EIF2B3: variants seen among roughly 807,000 people sequenced by gnomAD.
EIF2B3 encodes eukaryotic translation initiation factor 2B subunit gamma, also known as translation initiation factor eIF2B subunit gamma.
A neutral mutation model predicts 54.1 loss-of-function variants in EIF2B3; 20 were observed. The observed-to-expected ratio is 0.37, with a 90% CI of 0.26 to 0.54. The LOEUF (loss-of-function observed/expected upper bound fraction) is 0.54, where lower values mean the gene tolerates loss of function less well. Among genes scored for constraint, EIF2B3 ranks in the 20% least tolerant of loss-of-function variants. The pLI is 0.86. For synonymous variants in EIF2B3, 153 were observed against 188.1 expected, an observed-to-expected ratio of 0.81 and a Z score of 1.52; for missense variants, 448 against 547.8, an observed-to-expected ratio of 0.82 and a Z score of 1.82.
intron 3 of EIF2B3, among the ~76,000 whole-genome samples, chr1:44,977,365 A>G (rs1248788383): frequency 6.6e-6 from 1 of 152,142 alleles, no homozygotes; most frequent in Non-Finnish European, 1.5e-5. Flanking sequence ...TTTCTAGTCA[A>G]TCCTCACCTG....
chr1:44,951,954 A>ATTTTTTT lies in EIF2B3; in HGVS notation c.295-10296_295-10290dup, dbSNP rs1171020644. On this transcript the variant is annotated intron_variant, in intron 3 of 11. Transcript: ENST00000360403. The stretch of plus-strand genomic sequence containing the variant: ...AGGGGCGCACCACCATGCCTGGCTA[A>ATTTTTTT]TTTTTTTTTTTTTTTTTTTTTTTTT... Among the ~76,000 whole-genome samples, 382 of 44,650 alleles carry ATTTTTTT rather than the reference A, an allele frequency of 8.6e-3. 55 individuals carry two copies. Among genetic ancestry groups the ATTTTTTT allele is most frequent in the Middle Eastern group, 0.014 (1 of 70 alleles). 29.3% of individuals were successfully genotyped at this position (44,650 alleles called of 152,430 possible).
At chr1:44,926,949 A>G (rs1643860172) in intron 4 of EIF2B3, among the ~76,000 whole-genome samples, 1 of 151,766 alleles carries the variant, frequency 6.6e-6, no homozygotes, top group Admixed American at 6.5e-5. Context: ...AGCCTGGCCA[A>G]CATGGCGAAA....
intron 11 of EIF2B3, among the ~76,000 whole-genome samples, chr1:44,856,004 A>G (rs893335181): frequency 8.5e-5 from 13 of 152,286 alleles, no homozygotes; most frequent in African/African-American, 1.4e-4. Flanking sequence ...AGAGGCAGAG[A>G]AGGTTCTACA....
chr1:44,960,558 G>C (rs898781672), intron 3 of EIF2B3, among the ~76,000 whole-genome samples: 2 of 151,890 alleles, frequency 1.3e-5, no homozygotes, highest in Non-Finnish European at 1.5e-5. Context: ...AGAATGGCGT[G>C]AACCCGGGGG....
chr1:44,983,415 C>G (rs954189378), intron 1 of EIF2B3, among the ~76,000 whole-genome samples: 2 of 152,140 alleles, frequency 1.3e-5, no homozygotes, highest in Non-Finnish European at 1.5e-5. Flanking sequence ...CCTACTATAC[C>G]CAAGGCACAA....
At chr1:44,856,081 G>A (rs1654422727) in intron 11 of EIF2B3, among the ~76,000 whole-genome samples, 1 of 152,168 alleles carries the variant, frequency 6.6e-6, no homozygotes, top group South Asian at 2.1e-4. Flanking sequence ...TAAAAGCATG[G>A]AGAGGTATAA....
intron 4 of EIF2B3, among the ~76,000 whole-genome samples, chr1:44,928,224 C>A (rs1262720693): frequency 6.6e-6 from 1 of 152,110 alleles, no homozygotes. Context: ...GCAGGTGGAT[C>A]ACCTGAGGTC....
At chr1:44,900,383 G>A (rs1643257532) in intron 5 of EIF2B3, among the ~76,000 whole-genome samples, 1 of 142,770 alleles carries the variant, frequency 7.0e-6, no homozygotes, top group African/African-American at 2.6e-5. Context: ...GGAGGTAGAG[G>A]TTGCAGTTAG....
intron 1 of EIF2B3, among the ~76,000 whole-genome samples, chr1:44,983,795 C>T (rs1364554625): frequency 6.6e-6 from 1 of 152,090 alleles, no homozygotes; most frequent in Non-Finnish European, 1.5e-5. Flanking sequence ...CAACCTCTGC[C>T]TCCCAGGTTC....
chr1:44,895,528 C>CTA (rs962144621), intron 6 of EIF2B3, among the ~76,000 whole-genome samples: 60 of 149,252 alleles, frequency 4.0e-4, no homozygotes, highest in East Asian at 9.9e-4. Context: ...CTCTCTCTCT[C>CTA]TATATATATA....
intron 6 of EIF2B3, among the ~76,000 whole-genome samples, chr1:44,888,369 T>C (rs1655672030): frequency 6.6e-6 from 1 of 152,052 alleles, no homozygotes; most frequent in East Asian, 1.9e-4. Context: ...AGCGATGGTG[T>C]GGCAAGCAGG....
At chr1:44,952,765 G>T (rs1165117049) in intron 3 of EIF2B3, among the ~76,000 whole-genome samples, 1 of 151,264 alleles carries the variant, frequency 6.6e-6, no homozygotes, top group Non-Finnish European at 1.5e-5. Context: ...TGTTAGCCAG[G>T]ATGGTCTCGA....
chr1:44,875,156 C>A lies in EIF2B3; in HGVS notation c.1054-330G>T, dbSNP rs1569580285. Among the ~76,000 whole-genome samples, 3 of 152,190 alleles carry A rather than the reference C, an allele frequency of 2.0e-5. No homozygotes were observed. In the East Asian group the frequency reaches 5.8e-4, roughly 29 times the overall value. On this transcript the variant is annotated intron_variant, in intron 9 of 11. Transcript: ENST00000360403. ...AGAAGGGGGACAGATTGTGCCACTG[C>A]ACTCCAGCCTGGGCAACAGAGTGAG...
At chr1:44,875,573 T>C (rs1357712604) in intron 9 of EIF2B3, 45 bp downstream of exon 9, 1 of 1,587,392 alleles carries the variant, frequency 6.3e-7, no homozygotes, top group Middle Eastern at 1.7e-4. Context: ...GTCTCGATGC[T>C]CCCAAAGAAC....
Position 44,941,541 on chromosome 1 carries a change from T to C in EIF2B3, c.419A>G (p.Glu140Gly), listed in dbSNP as rs1004425628. Residue 140 changes from glutamate (E) to glycine (G), a missense_variant, in exon 4 of 12, where the codon GAA becomes GGA. Glu to Gly is a moderately conservative substitution (Grantham distance 98, BLOSUM62 -2). Transcript: ENST00000360403. ...MLMRKGQDSI[E>G]PVPGQKGKKK... is the part of the protein sequence containing the mutation. ...TTTCCCCTTTTGACCGGGAACAGGT[T>C]CTATGCTATCTTGGCCTTTTCTCAT... 4 of 1,613,222 alleles carry C rather than the reference T, an allele frequency of 2.5e-6. No homozygotes were observed. The highest frequency in any genetic ancestry group is 2.2e-5 in the East Asian group (1 of 44,870).
At chr1:44,871,357 T>C (rs1295945736) in intron 10 of EIF2B3, among the ~76,000 whole-genome samples, 1 of 152,208 alleles carries the variant, frequency 6.6e-6, no homozygotes, top group East Asian at 1.9e-4. Context: ...TTTACCCTGT[T>C]CAGGCCAACC....
chr1:44,946,352 G>C (rs959201519), intron 3 of EIF2B3, among the ~76,000 whole-genome samples: 1 of 152,058 alleles, frequency 6.6e-6, no homozygotes, highest in Non-Finnish European at 1.5e-5. Context: ...ACTTCCAAAG[G>C]AAAGTGTTTG....
At position 44,850,826 on chromosome 1, in the gene EIF2B3, AC is replaced by A. The variant is rs1357261055; in HGVS notation, c.*124del. The A allele has an allele frequency of 9.3e-7, 1 of 1,078,780 alleles. No homozygotes were observed. The highest frequency in any genetic ancestry group is 1.4e-6 in the Non-Finnish European group (1 of 700,834). 66.8% of individuals were successfully genotyped at this position (1,078,780 alleles called of 1,614,324 possible). Reference sequence around the variant, plus strand: ...CTGACATGGAGCTTTGGACTGCTCCACAAGTCTCCAGCATGCCTTTGGAAGC... The same window carrying A: ...CTGACATGGAGCTTTGGACTGCTCCAAAGTCTCCAGCATGCCTTTGGAAGC... On this transcript the variant is annotated 3_prime_UTR_variant, in exon 12 of 12. Transcript: ENST00000360403.
chr1:44,942,392 TATATATATATATATATATATATATA>T (rs1557696862), intron 3 of EIF2B3, among the ~76,000 whole-genome samples: 4 of 14,296 alleles, frequency 2.8e-4, no homozygotes, highest in South Asian at 2.1e-3. Flanking sequence ...TATATATATA[TATATATATATATATATATATATATA>T]TTTTTTTTTT....
Sources: allele counts gnomAD v4.1 joint callset (sites outside exome capture counted in the v4.1 genomes callset), GRCh38; gene constraint gnomAD v4.1.1; transcripts MANE v1.5; gene names NCBI Gene and HGNC (gene_info 2026-07-23, HGNC 2026-07-21).